B3GAT1: variants seen among roughly 807,000 people sequenced by gnomAD.
The protein encoded by B3GAT1 is galactosylgalactosylxylosylprotein 3-beta-glucuronosyltransferase 1.
B3GAT1 carries 11 observed loss-of-function variants against 28.4 expected under a neutral mutation model. That is an observed-to-expected ratio of 0.39 (90% CI 0.24 to 0.64). The LOEUF (loss-of-function observed/expected upper bound fraction) is 0.64. Among genes scored for constraint, B3GAT1 ranks in the 30% least tolerant of loss-of-function variants. B3GAT1 has a pLI of 0.50. For synonymous variants in B3GAT1, 255 were observed against 223.1 expected, an observed-to-expected ratio of 1.14 and a Z score of -1.27; for missense variants, 375 against 491.0, an observed-to-expected ratio of 0.76 and a Z score of 2.23.
At chr11:134,406,419 C>T (rs1245465961) in intron 1 of B3GAT1, among the ~76,000 whole-genome samples, 1 of 152,060 alleles carries the variant, frequency 6.6e-6, no homozygotes, top group Non-Finnish European at 1.5e-5. Context: ...AGGTTGCTTT[C>T]CTCATCTCAT....
chr11:134,382,436 C>T (rs184414918), intron 4 of B3GAT1, among the ~76,000 whole-genome samples: 18 of 152,278 alleles, frequency 1.2e-4, no homozygotes, highest in African/African-American at 3.6e-4. Context: ...TGTGTGCACG[C>T]GTAGGCATGT....
intron 1 of B3GAT1, among the ~76,000 whole-genome samples, chr11:134,398,751 T>C (rs1944552417): frequency 6.6e-6 from 1 of 151,972 alleles, no homozygotes. Context: ...CTCCTGCCTA[T>C]GGCCAGCTGG....
chr11:134,382,421 G>A lies in B3GAT1; in HGVS notation c.918+289C>T, dbSNP rs77808790. Among the ~76,000 whole-genome samples the A allele has an allele frequency of 1.7e-4, 26 of 152,112 alleles. 1 individual carries two copies. The East Asian group carries it at 2.1e-3, about 12-fold the overall frequency. ...TGTGTGCATCTGCATGTGTGTGTGC[G>A]CACATGTGTGCACGCGTAGGCATGT... On this transcript the variant is annotated intron_variant, in intron 4 of 5. Transcript: ENST00000312527.
At chr11:134,406,511 C>G (rs1025702492) in intron 1 of B3GAT1, among the ~76,000 whole-genome samples, 1 of 81,042 alleles carries the variant, frequency 1.2e-5, no homozygotes, top group South Asian at 4.9e-4. Flanking sequence ...GGAAGGGTCA[C>G]AGAGGTAGCC....
In B3GAT1 at chr11:134,396,579, G is replaced by A. The variant is rs556672432; in HGVS notation, c.-281-8639C>T. On this transcript the variant is annotated intron_variant, in intron 1 of 5. Coordinates refer to ENST00000312527, the MANE Select transcript of B3GAT1 (RefSeq NM_054025.3). ...GCCTTCATTTTCCCATCTGTAAAAC[G>A]GGAATAAAAATACTGCTCCTACCAC... 2.6e-5 allele frequency among the ~76,000 whole-genome samples: 4 copies of A among 152,142 alleles called. No homozygotes were observed. The South Asian group carries it at 6.2e-4, about 24-fold the overall frequency.
At position 134,383,866 on chromosome 11, in the gene B3GAT1, G is replaced by T. The variant is rs777818106; in HGVS notation, c.435C>A (p.His145Gln). Residue 145 changes from histidine to glutamine, a missense_variant, in exon 3 of 6, where the codon CAC becomes CAA. His to Gln is a conservative substitution (Grantham distance 24). Coordinates refer to ENST00000312527, the MANE Select transcript of B3GAT1 (RefSeq NM_054025.3). The stretch of plus-strand genomic sequence containing the variant: ...GCTTGTAGTTGCGGGGCGTCTCCAC[G>T]TGCAGGTGCGTGTAGTTGAGGCCGG... Reference protein sequence around the residue: ...RDTGLNYTHLHVETPRNYKLR... With the variant: ...RDTGLNYTHLQVETPRNYKLR... The T allele has an allele frequency of 6.3e-7, 1 of 1,596,494 alleles. No homozygotes were observed. Among genetic ancestry groups the T allele is most frequent in the South Asian group, 1.1e-5 (1 of 89,996 alleles).
intron 1 of B3GAT1, among the ~76,000 whole-genome samples, chr11:134,408,782 G>A (rs1944787984): frequency 1.7e-5 from 2 of 115,504 alleles, no homozygotes; most frequent in Admixed American, 1.6e-4. Context: ...GGGGTGAGGA[G>A]GGAGGTGGGA....
chr11:134,407,327 A>G (rs1944753427), intron 1 of B3GAT1, among the ~76,000 whole-genome samples: 1 of 152,200 alleles, frequency 6.6e-6, no homozygotes, highest in East Asian at 1.9e-4. Context: ...AGCCAGCCAG[A>G]GAGGACGGGC....
At chr11:134,398,374 G>C (rs1350893928) in intron 1 of B3GAT1, among the ~76,000 whole-genome samples, 1 of 152,162 alleles carries the variant, frequency 6.6e-6, no homozygotes, top group African/African-American at 2.4e-5. Context: ...AACATAGATG[G>C]GGTGAGGCCA....
intron 1 of B3GAT1, among the ~76,000 whole-genome samples, chr11:134,396,454 C>A (rs763322518): frequency 9.2e-5 from 14 of 152,126 alleles, no homozygotes; most frequent in Non-Finnish European, 1.8e-4. Flanking sequence ...AGGGGCCCTG[C>A]GATGCAGAAA....
chr11:134,382,932 C>T lies in B3GAT1; in HGVS notation c.696G>A (p.Val232=). Residue 232 remains valine, a synonymous_variant, in exon 4 of 6, where the codon GTG becomes GTA. Transcript: ENST00000312527. ...AGCCGACCACCTTCCCTGCCCCGTT[C>T]ACCCGTGGGGCCTCGTACCGCAGGC... The part of the protein sequence containing the change: ...VGGLRYEAPR[V]NGAGKVVGWK... 2 of 1,610,960 alleles carry T rather than the reference C, an allele frequency of 1.2e-6. No individual in the cohort carries two copies. Among genetic ancestry groups the T allele is most frequent in the African/African-American group, 1.3e-5 (1 of 75,030 alleles).
At chr11:134,384,357 C>T in intron 2 of B3GAT1, 169 bp from the exon 3 acceptor site, 2 of 847,016 alleles carry the variant, frequency 2.4e-6, no homozygotes, top group Non-Finnish European at 1.8e-6. Context: ...AAATCTGCAG[C>T]CCTGGAATCC....
chr11:134,387,958 A>G lies in B3GAT1; in HGVS notation c.-281-18T>C. ...GTGGACACCTGCAAGAGAGAGCAGA[A>G]GCGGATAGCCAGAGACCCAGGTATA... On this transcript the variant is annotated intron_variant, in intron 1 of 5. Transcript: ENST00000312527. 8.8e-7 allele frequency: 1 copy of G among 1,141,252 alleles called. No individual in the cohort carries two copies. The highest frequency in any genetic ancestry group is 1.2e-6 in the Non-Finnish European group (1 of 818,938). The allele number at this position is 1,141,252 out of a possible 1,614,324, so 70.7% of individuals were successfully genotyped here.
At position 134,379,363 on chromosome 11, in the gene B3GAT1, TGGG is replaced by T. The variant is rs998820585; in HGVS notation, c.*1396_*1398del. ...TGGGGCCCTTTCCTTTTCCTCCACT[TGGG>T]GGGAAAATTGTGCTTCCAACTTGCA... On this transcript the variant is annotated 3_prime_UTR_variant, in exon 6 of 6. Coordinates refer to ENST00000312527, the MANE Select transcript of B3GAT1 (RefSeq NM_054025.3). The T allele has an allele frequency of 6.6e-6, 1 of 152,226 alleles. No homozygotes were observed. The highest frequency in any genetic ancestry group is 2.4e-5 in the African/African-American group (1 of 41,328). 9.4% of individuals were successfully genotyped at this position (152,226 alleles called of 1,614,324 possible).
Position 134,398,424 on chromosome 11 carries a change from G to A in B3GAT1, c.-281-10484C>T, listed in dbSNP as rs146465466. On this transcript the variant is annotated intron_variant, in intron 1 of 5. Coordinates refer to ENST00000312527, the MANE Select transcript of B3GAT1 (RefSeq NM_054025.3). ...CTCTCTCTGCAGCCCTGGGGTTTGC[G>A]GGGGCTGCTGCTCCTAAACCTACTA... 1.1e-3 allele frequency among the ~76,000 whole-genome samples: 168 copies of A among 152,322 alleles called. 1 individual carries two copies. The highest frequency in any genetic ancestry group is 6.8e-3 in the Middle Eastern group (2 of 294).
intron 1 of B3GAT1, among the ~76,000 whole-genome samples, chr11:134,408,242 G>T (rs1944773353): frequency 7.5e-6 from 1 of 133,130 alleles, no homozygotes; most frequent in Non-Finnish European, 1.6e-5. Flanking sequence ...TTCTAGTGGG[G>T]TGAAGAGGGA....
At chr11:134,382,325 G>A (rs75040367) in intron 4 of B3GAT1, among the ~76,000 whole-genome samples, 2,708 of 147,976 alleles carry the variant, frequency 0.018, 62 homozygotes, top group African/African-American at 0.059. Context: ...GTGTGCATAC[G>A]TATGCATGTT....
In B3GAT1 at chr11:134,400,623, A is replaced by C. The variant is rs1436160725; in HGVS notation, c.-282+11184T>G. On this transcript the variant is annotated intron_variant, in intron 1 of 5. Coordinates refer to ENST00000312527, the MANE Select transcript of B3GAT1 (RefSeq NM_054025.3). ...GTGAAAATGAACTCAAGATGGACCA[A>C]AGATTTAAATGTTGTAAGACTTCAA... Among the ~76,000 whole-genome samples, 4 of 152,240 alleles carry C rather than the reference A, an allele frequency of 2.6e-5. No individual in the cohort carries two copies. In the East Asian group the frequency reaches 7.7e-4, roughly 29 times the overall value.
Position 134,379,430 on chromosome 11 carries a change from G to A in B3GAT1, c.*1332C>T, listed in dbSNP as rs1340134929. The A allele has an allele frequency of 6.6e-6, 1 of 152,514 alleles. No individual in the cohort carries two copies. Among genetic ancestry groups the A allele is most frequent in the Non-Finnish European group, 1.5e-5 (1 of 68,034 alleles). The allele number at this position is 152,514 out of a possible 1,614,324, so 9.4% of individuals were successfully genotyped here. A position where few individuals can be genotyped will look rare whatever the true frequency, so the allele number is the denominator to read the frequency against. ...GATCACCACTAGAGAGCCCGGCTGGGCCAGGGGGTCAGAGCCCTTTCCAGT... is the reference window on the plus strand; with the variant it reads ...GATCACCACTAGAGAGCCCGGCTGGACCAGGGGGTCAGAGCCCTTTCCAGT... On this transcript the variant is annotated 3_prime_UTR_variant, in exon 6 of 6. Coordinates refer to ENST00000312527, the MANE Select transcript of B3GAT1 (RefSeq NM_054025.3).
Sources: allele counts gnomAD v4.1 joint callset (sites outside exome capture counted in the v4.1 genomes callset), GRCh38; gene constraint gnomAD v4.1.1; transcripts MANE v1.5; gene names NCBI Gene and HGNC (gene_info 2026-07-23, HGNC 2026-07-21).